ERBIN: variants seen among roughly 807,000 people sequenced by gnomAD.
ERBIN encodes densin-180-like protein.
Under a neutral mutation model 158.4 loss-of-function variants are expected in ERBIN, and 60 were observed. The observed-to-expected ratio is 0.38, with a 90% CI of 0.31 to 0.47. The LOEUF (loss-of-function observed/expected upper bound fraction) is 0.47. Ranked by LOEUF, ERBIN falls within the 20% of genes least tolerant of loss-of-function variation. The probability of loss-of-function intolerance (pLI) is 0.99; values close to 1 mark genes in which losing one functional copy is unlikely to be tolerated. For synonymous variants in ERBIN, 594 were observed against 557.2 expected, an observed-to-expected ratio of 1.07 and a Z score of -0.93; for missense variants, 1,610 against 1,648.0, an observed-to-expected ratio of 0.98 and a Z score of 0.40.
At chr5:66,043,381 A>C (rs1470448006) in intron 16 of ERBIN, among the ~76,000 whole-genome samples, 183 bp downstream of exon 16, 2 of 152,192 alleles carry the variant, frequency 1.3e-5, no homozygotes, top group Non-Finnish European at 2.9e-5. Context: ...ACAATATAAA[A>C]CTATGTGATT....
At chr5:66,007,893 A>T (rs1361483791) in intron 4 of ERBIN, among the ~76,000 whole-genome samples, 1 of 152,220 alleles carries the variant, frequency 6.6e-6, no homozygotes, top group Non-Finnish European at 1.5e-5. Flanking sequence ...CTGGAGATAC[A>T]GATTTAGAAC....
In ERBIN at chr5:66,014,662, A is replaced by G. The variant is rs753519486; in HGVS notation, c.477-7A>G. On this transcript the variant is annotated splice_polypyrimidine_tract_variant and splice_region_variant and intron_variant, in intron 6 of 25. Transcript: ENST00000284037. Reference sequence around the variant, plus strand: ...CCTAAATACATGATTTTTTTTTTGTATTGCAGATTAACTAAACTCCAAATA... The same window carrying G: ...CCTAAATACATGATTTTTTTTTTGTGTTGCAGATTAACTAAACTCCAAATA... 7.7e-7 allele frequency: 1 copy of G among 1,306,188 alleles called. No individual in the cohort carries two copies. The highest frequency in any genetic ancestry group is 1.1e-6 in the Non-Finnish European group (1 of 947,774). The allele number at this position is 1,306,188 out of a possible 1,614,324, so 80.9% of individuals were successfully genotyped here.
intron 15 of ERBIN, among the ~76,000 whole-genome samples, chr5:66,040,712 C>T (rs1033812285): frequency 3.3e-5 from 5 of 151,772 alleles, no homozygotes; most frequent in African/African-American, 1.2e-4. Flanking sequence ...GGGTTTTATA[C>T]CAATTTGAGA....
At chr5:65,971,041 G>A (rs533179794) in intron 1 of ERBIN, among the ~76,000 whole-genome samples, 1 of 152,122 alleles carries the variant, frequency 6.6e-6, no homozygotes, top group Non-Finnish European at 1.5e-5. Flanking sequence ...AGCCAAATAT[G>A]GTCATTCAAC....
intron 4 of ERBIN, among the ~76,000 whole-genome samples, chr5:66,008,205 A>C (rs1318421310): frequency 6.6e-6 from 1 of 152,178 alleles, no homozygotes; most frequent in Non-Finnish European, 1.5e-5. Flanking sequence ...TCACGAGGTC[A>C]GGAGATCGAG....
chr5:65,981,534 C>T (rs987545510), intron 1 of ERBIN, among the ~76,000 whole-genome samples: 2 of 151,734 alleles, frequency 1.3e-5, no homozygotes, highest in Admixed American at 6.6e-5. Context: ...TAAAAAAATC[C>T]GCAGATTACT....
chr5:65,934,735 G>A (rs1382295581), intron 1 of ERBIN, among the ~76,000 whole-genome samples: 2 of 151,928 alleles, frequency 1.3e-5, no homozygotes, highest in African/African-American at 4.8e-5. Context: ...AATATTTTGC[G>A]GTAGGTGCTT....
At chr5:66,069,296 C>T (rs916425004) in intron 21 of ERBIN, among the ~76,000 whole-genome samples, 1 of 152,270 alleles carries the variant, frequency 6.6e-6, no homozygotes, top group East Asian at 1.9e-4. Flanking sequence ...AAAAACTATT[C>T]TTTGTAGTAT....
intron 1 of ERBIN, among the ~76,000 whole-genome samples, chr5:65,982,954 G>A (rs528173004): frequency 6.6e-6 from 1 of 152,156 alleles, no homozygotes; most frequent in Non-Finnish European, 1.5e-5. Context: ...TGATGGAAAT[G>A]TTCCATGTCT....
chr5:66,048,830 TTA>T lies in ERBIN; in HGVS notation c.1903+52_1903+53del. 2.7e-6 allele frequency: 3 copies of T among 1,128,160 alleles called. No homozygotes were observed. In the South Asian group the frequency reaches 4.9e-5, roughly 18 times the overall value. 69.9% of individuals were successfully genotyped at this position (1,128,160 alleles called of 1,614,324 possible). A position where few individuals can be genotyped will look rare whatever the true frequency, so the allele number is the denominator to read the frequency against. On this transcript the variant is annotated intron_variant, in intron 19 of 25. Coordinates refer to ENST00000284037, the MANE Select transcript of ERBIN (RefSeq NM_001253697.2). The stretch of plus-strand genomic sequence containing the variant: ...AAGAATAGAAATTGCCTCAATAAAT[TTA>T]TAAATTTTTTTGAAATAAATTTCAT...
Position 66,044,754 on chromosome 5 carries a change from C to T in ERBIN, c.1602+444C>T, listed in dbSNP as rs1418389318. Among the ~76,000 whole-genome samples the T allele has an allele frequency of 2.0e-5, 3 of 150,796 alleles. No individual in the cohort carries two copies. The East Asian group carries it at 5.9e-4, about 30-fold the overall frequency. ...TGCTCCAGCCTGGGTGACAGAGTGA[C>T]ACTCTGTCTCAAAAACAAAAAATAA... On this transcript the variant is annotated intron_variant, in intron 17 of 25. Transcript: ENST00000284037.
At chr5:65,968,837 A>G (rs1748948056) in intron 1 of ERBIN, among the ~76,000 whole-genome samples, 1 of 152,230 alleles carries the variant, frequency 6.6e-6, no homozygotes, top group African/African-American at 2.4e-5. Context: ...CTGGGATTAC[A>G]GGCGTGAGCC....
intron 19 of ERBIN, among the ~76,000 whole-genome samples, chr5:66,050,218 A>C: frequency 2.6e-5 from 1 of 38,434 alleles, no homozygotes; most frequent in Non-Finnish European, 6.2e-5. Context: ...CAGTAACTAA[A>C]TCGAATTCTT....
In ERBIN at chr5:66,081,958, C is replaced by T. The variant is rs944705779; in HGVS notation, c.*3428C>T. Reference sequence around the variant, plus strand: ...AGCCAACTCAGACCTTTGGGTATTCCTTTGTTTCTAAATAAGGACCTTCAG... The same window carrying T: ...AGCCAACTCAGACCTTTGGGTATTCTTTTGTTTCTAAATAAGGACCTTCAG... On this transcript the variant is annotated 3_prime_UTR_variant, in exon 26 of 26. Transcript: ENST00000284037. 29 of 151,686 alleles carry T rather than the reference C, an allele frequency of 1.9e-4. No individual in the cohort carries two copies. The highest frequency in any genetic ancestry group is 1.7e-3 in the Admixed American group (26 of 15,220). The allele number at this position is 151,686 out of a possible 1,614,324, so 9.4% of individuals were successfully genotyped here.
intron 1 of ERBIN, among the ~76,000 whole-genome samples, chr5:65,942,501 T>A (rs1745178042): frequency 2.0e-5 from 3 of 152,246 alleles, no homozygotes; most frequent in Non-Finnish European, 2.9e-5. Flanking sequence ...TGATTATTTT[T>A]TTAGTTTAGA....
intron 7 of ERBIN, among the ~76,000 whole-genome samples, chr5:66,015,587 A>G (rs1287273410): frequency 5.3e-5 from 8 of 152,188 alleles, no homozygotes; most frequent in African/African-American, 1.9e-4. Flanking sequence ...GGCCCTTTAC[A>G]GAAAAAATTT....
intron 8 of ERBIN, among the ~76,000 whole-genome samples, chr5:66,021,765 G>A (rs1327605549): frequency 6.6e-6 from 1 of 152,082 alleles, no homozygotes; most frequent in African/African-American, 2.4e-5. Flanking sequence ...TCAGTAATAA[G>A]ATACTTCTCT....
intron 1 of ERBIN, among the ~76,000 whole-genome samples, chr5:65,977,789 G>T (rs1022654763): frequency 6.6e-6 from 1 of 152,156 alleles, no homozygotes; most frequent in Non-Finnish European, 1.5e-5. Flanking sequence ...TCGGCACTTC[G>T]GGAGGCCAAG....
intron 9 of ERBIN, 61 bp downstream of exon 9, chr5:66,023,425 A>G: frequency 1.0e-6 from 1 of 1,004,536 alleles, no homozygotes; most frequent in East Asian, 2.5e-5. Flanking sequence ...CAGTTTTGTG[A>G]ATTGTACCTT....
Sources: allele counts gnomAD v4.1 joint callset (sites outside exome capture counted in the v4.1 genomes callset), GRCh38; gene constraint gnomAD v4.1.1; transcripts MANE v1.5; gene names NCBI Gene and HGNC (gene_info 2026-07-23, HGNC 2026-07-21).